DIAPH3: variants seen among roughly 807,000 people sequenced by gnomAD.
DIAPH3 encodes the protein diaphanous related formin 3.
Under a neutral mutation model 144.3 loss-of-function variants are expected in DIAPH3, and 117 were observed. That is an observed-to-expected ratio of 0.81 (90% CI 0.70 to 0.95). The LOEUF is 0.95. DIAPH3 is among the 40% of genes least tolerant of loss of function. The pLI is 0.00. For missense variants in DIAPH3, 1,421 were observed against 1,412.7 expected (o/e 1.01, Z -0.09); for synonymous variants, 519 against 488.9 (o/e 1.06, Z -0.81).
chr13:59,846,774 T>C (rs1349626769), intron 22 of DIAPH3, among the ~76,000 whole-genome samples: 1 of 152,026 alleles, frequency 6.6e-6, no homozygotes, highest in Non-Finnish European at 1.5e-5. Flanking sequence ...CAGGCAAAGA[T>C]AAATTGAAAG....
At chr13:60,039,129 T>C (rs2055445901) in intron 5 of DIAPH3, among the ~76,000 whole-genome samples, 1 of 151,856 alleles carries the variant, frequency 6.6e-6, no homozygotes, top group African/African-American at 2.4e-5. Flanking sequence ...AGGCAAATAA[T>C]CTAGTATTTA....
chr13:59,927,122 T>A (rs979757733), intron 17 of DIAPH3, among the ~76,000 whole-genome samples: 2 of 152,212 alleles, frequency 1.3e-5, no homozygotes, highest in Non-Finnish European at 2.9e-5. Flanking sequence ...TTTTGACTGA[T>A]ACAAGTATAG....
At chr13:59,753,786 C>A (rs945496437) in intron 27 of DIAPH3, among the ~76,000 whole-genome samples, 8 of 152,082 alleles carry the variant, frequency 5.3e-5, no homozygotes, top group Non-Finnish European at 1.2e-4. Flanking sequence ...AAATATGGTA[C>A]CTGAAAGCAC....
At chr13:59,880,995 A>AG (rs1439759870) in intron 20 of DIAPH3, among the ~76,000 whole-genome samples, 3 of 150,610 alleles carry the variant, frequency 2.0e-5, no homozygotes, top group East Asian at 1.9e-4. Flanking sequence ...AAAAAAAAAA[A>AG]AAGAAGAAGA....
chr13:59,786,791 G>A (rs1263137117), intron 25 of DIAPH3, among the ~76,000 whole-genome samples: 1 of 152,194 alleles, frequency 6.6e-6, no homozygotes, highest in African/African-American at 2.4e-5. Context: ...AGGTGGCTCT[G>A]TGGTCAAATA....
At chr13:59,833,392 T>C in intron 23 of DIAPH3, 121 bp from the exon 24 acceptor site, 1 of 698,942 alleles carries the variant, frequency 1.4e-6, no homozygotes, top group Non-Finnish European at 2.3e-6. Flanking sequence ...AATTCTAAAA[T>C]TACTTCTAAT....
chr13:59,924,462 T>C (rs1415425787), intron 18 of DIAPH3, among the ~76,000 whole-genome samples: 1 of 150,972 alleles, frequency 6.6e-6, no homozygotes, highest in African/African-American at 2.4e-5. Flanking sequence ...ATGATGTCAT[T>C]ACCTAAATTC....
chr13:59,727,466 T>C (rs780875274), intron 27 of DIAPH3, among the ~76,000 whole-genome samples: 1 of 152,174 alleles, frequency 6.6e-6, no homozygotes, highest in Non-Finnish European at 1.5e-5. Flanking sequence ...TATGGATAAA[T>C]GTGTGGGTTT....
chr13:59,800,293 G>A (rs1329236665), intron 25 of DIAPH3, among the ~76,000 whole-genome samples: 1 of 151,932 alleles, frequency 6.6e-6, no homozygotes, highest in Non-Finnish European at 1.5e-5. Flanking sequence ...TCCCTTTTTA[G>A]AACTGATAAA....
At chr13:60,101,781 T>G (rs2058275387) in intron 3 of DIAPH3, among the ~76,000 whole-genome samples, 1 of 152,172 alleles carries the variant, frequency 6.6e-6, no homozygotes, top group Non-Finnish European at 1.5e-5. Flanking sequence ...TCCTTATCTC[T>G]GACCTCAATC....
chr13:59,876,791 C>A (rs917376723), intron 21 of DIAPH3, among the ~76,000 whole-genome samples: 2 of 152,168 alleles, frequency 1.3e-5, no homozygotes, highest in Non-Finnish European at 2.9e-5. Context: ...ATCACAGACA[C>A]TTTTGCACGA....
rs183711839 is a variant in DIAPH3 at position 59,895,917 on chromosome 13, A to G, written c.2367+15818T>C. Among the ~76,000 whole-genome samples, 9 of 152,334 alleles carry G rather than the reference A, an allele frequency of 5.9e-5. No individual in the cohort carries two copies. In the East Asian group the frequency reaches 1.3e-3, roughly 23 times the overall value. The stretch of plus-strand genomic sequence containing the variant: ...GGGTCTTTTATTTCTGAAGACAGAA[A>G]ATAGGGACAAGATTGATCCTAAACA... On this transcript the variant is annotated intron_variant, in intron 20 of 27. Coordinates refer to ENST00000400324, the MANE Select transcript of DIAPH3 (RefSeq NM_001042517.2).
intron 4 of DIAPH3, among the ~76,000 whole-genome samples, chr13:60,065,023 A>G (rs1195408434): frequency 2.0e-5 from 3 of 152,160 alleles, no homozygotes; most frequent in Non-Finnish European, 4.4e-5. Flanking sequence ...TCACTTTCTA[A>G]CATGGGTGTG....
intron 27 of DIAPH3, among the ~76,000 whole-genome samples, chr13:59,743,341 A>G (rs769113393): frequency 2.6e-5 from 4 of 152,206 alleles, no homozygotes; most frequent in Non-Finnish European, 4.4e-5. Flanking sequence ...AGGAGATAGA[A>G]TAAATCATGC....
intron 9 of DIAPH3, among the ~76,000 whole-genome samples, chr13:60,003,731 G>A (rs910165579): frequency 1.3e-5 from 2 of 151,692 alleles, no homozygotes; most frequent in Admixed American, 6.6e-5. Context: ...CCACCAACAC[G>A]CAAGGCAATT....
chr13:60,101,196 C>T, intron 3 of DIAPH3, among the ~76,000 whole-genome samples: 1 of 152,218 alleles, frequency 6.6e-6, no homozygotes, highest in East Asian at 1.9e-4. Context: ...GAGGAGAGAG[C>T]TGAGGTTTAG....
chr13:60,141,630 C>T (rs764007049), intron 1 of DIAPH3, among the ~76,000 whole-genome samples: 3 of 152,124 alleles, frequency 2.0e-5, no homozygotes, highest in Non-Finnish European at 4.4e-5. Flanking sequence ...ATGAAAGATT[C>T]CTAAAACATT....
chr13:59,915,864 T>C lies in DIAPH3; in HGVS notation c.2265+291A>G, dbSNP rs188540652. Among the ~76,000 whole-genome samples, 774 of 152,170 alleles carry C rather than the reference T, an allele frequency of 5.1e-3. 24 individuals carry two copies. The highest frequency in any genetic ancestry group is 0.049 in the Admixed American group (744 of 15,278). ...ATAGAAACAAATTTTAAGTAACACA[T>C]TAATAAAGTATAACAAAAACAAAAA... On this transcript the variant is annotated intron_variant, in intron 19 of 27. Coordinates refer to ENST00000400324, the MANE Select transcript of DIAPH3 (RefSeq NM_001042517.2).
chr13:60,108,215 C>A (rs561588303), intron 3 of DIAPH3, among the ~76,000 whole-genome samples: 2 of 152,094 alleles, frequency 1.3e-5, no homozygotes, highest in Admixed American at 1.3e-4. Context: ...ATGAATTTCA[C>A]AATAGACTCA....
Sources: allele counts gnomAD v4.1 joint callset (sites outside exome capture counted in the v4.1 genomes callset), GRCh38; gene constraint gnomAD v4.1.1; transcripts MANE v1.5; gene names NCBI Gene and HGNC (gene_info 2026-07-23, HGNC 2026-07-21).